The following OSBPL5 variants were observed in gnomAD, a reference collection of about 807,000 sequenced individuals.
The protein encoded by OSBPL5 is oxysterol binding protein like 5.
OSBPL5 carries 71 observed loss-of-function variants against 111.2 expected under a neutral mutation model. That is an observed-to-expected ratio of 0.64 (90% confidence interval 0.53 to 0.78). The LOEUF is 0.78. Ranked by LOEUF, OSBPL5 falls within the 30% of genes least tolerant of loss-of-function variation. OSBPL5 has a pLI of 0.00. For missense variants in OSBPL5, 1,210 were observed against 1,189.3 expected (o/e 1.02, Z -0.26); for synonymous variants, 549 against 513.9 (o/e 1.07, Z -0.93).
chr11:3,091,350 T>G (rs1590628596), intron 19 of OSBPL5, among the ~76,000 whole-genome samples: 1 of 152,014 alleles, frequency 6.6e-6, no homozygotes. Flanking sequence ...ACGCTCTGCA[T>G]TGGGTGTGGT....
At chr11:3,120,143 T>TG (rs1046377050) in intron 6 of OSBPL5, among the ~76,000 whole-genome samples, 1 of 152,144 alleles carries the variant, frequency 6.6e-6, no homozygotes, top group Non-Finnish European at 1.5e-5. Flanking sequence ...CGGCCACCCC[T>TG]GGGGAGCAGC....
chr11:3,101,921 C>A (rs908284242), intron 12 of OSBPL5, among the ~76,000 whole-genome samples: 5 of 152,180 alleles, frequency 3.3e-5, no homozygotes, highest in Non-Finnish European at 7.4e-5. Flanking sequence ...CCAGAAGTCC[C>A]CATCGGGAGA....
intron 7 of OSBPL5, among the ~76,000 whole-genome samples, chr11:3,112,046 CATGT>C (rs1564837430): frequency 6.5e-5 from 5 of 76,578 alleles, no homozygotes; most frequent in African/African-American, 1.6e-4. Context: ...TGTGTGCGCG[CATGT>C]GTGTGCATGT....
In OSBPL5 at chr11:3,109,210, C is replaced by T. The variant is rs775496492; in HGVS notation, c.692-1265G>A. 6.6e-6 allele frequency among the ~76,000 whole-genome samples: 1 copy of T among 152,038 alleles called. No homozygotes were observed. Among genetic ancestry groups the T allele is most frequent in the Non-Finnish European group, 1.5e-5 (1 of 68,016 alleles). On this transcript the variant is annotated intron_variant, in intron 7 of 21. Coordinates refer to ENST00000263650, the MANE Select transcript of OSBPL5 (RefSeq NM_020896.4). This position sits in a 1 kb window ranked among gnomAD's most constrained non-coding sequence, Gnocchi z 7.4. ...TCAAGTGATTCTCCTGCCTCAACCT[C>T]CCAAGTAGCTGGGATTACAGGTGCC...
At chr11:3,128,041 G>A (rs1260664588) in intron 2 of OSBPL5, among the ~76,000 whole-genome samples, 3 of 152,234 alleles carry the variant, frequency 2.0e-5, no homozygotes, top group Non-Finnish European at 4.4e-5. Context: ...CGTGACAGCA[G>A]AGAATAAAAG....
In OSBPL5 at chr11:3,121,216, C is replaced by T. The variant is rs957044408; in HGVS notation, c.403-592G>A. On this transcript the variant is annotated intron_variant, in intron 5 of 21. Coordinates refer to ENST00000263650, the MANE Select transcript of OSBPL5 (RefSeq NM_020896.4). The surrounding 1 kb of genome is among the most constrained non-coding windows in gnomAD (Gnocchi z 4.3). ...GGGATTACAGGCGCCCGCCACCATG[C>T]CTGGCTAATTTCTGTATTTTTAGTA... 2.0e-5 allele frequency among the ~76,000 whole-genome samples: 3 copies of T among 152,038 alleles called. No individual in the cohort carries two copies. The highest frequency in any genetic ancestry group is 7.2e-5 in the African/African-American group (3 of 41,396).
intron 1 of OSBPL5, among the ~76,000 whole-genome samples, chr11:3,158,424 TG>T (rs1420051819): frequency 6.6e-6 from 1 of 152,266 alleles, no homozygotes; most frequent in Non-Finnish European, 1.5e-5. Context: ...CACTGGCACC[TG>T]CTTTTCCGAC....
Position 3,165,001 on chromosome 11 carries a change from C to G in OSBPL5, c.-22+215G>C, listed in dbSNP as rs578103939. Reference sequence around the variant, plus strand: ...GGGGCGCCCCCAGGCTCCCGCGCTCCCCAGCTCCCCAGCGCGCGACCGGCC... The same window carrying G: ...GGGGCGCCCCCAGGCTCCCGCGCTCGCCAGCTCCCCAGCGCGCGACCGGCC... On this transcript the variant is annotated intron_variant, in intron 1 of 21. Coordinates refer to ENST00000263650, the MANE Select transcript of OSBPL5 (RefSeq NM_020896.4). This position sits in a 1 kb window ranked among gnomAD's most constrained non-coding sequence, Gnocchi z 7.4. Among the ~76,000 whole-genome samples, 1 of 151,332 alleles carries G rather than the reference C, an allele frequency of 6.6e-6. No individual in the cohort carries two copies. The highest frequency in any genetic ancestry group is 1.9e-4 in the East Asian group (1 of 5,146).
In OSBPL5 at chr11:3,089,965, T is replaced by C; in HGVS notation, c.2399-17A>G. 6.6e-7 allele frequency: 1 copy of C among 1,513,708 alleles called. No individual in the cohort carries two copies. The highest frequency in any genetic ancestry group is 8.9e-7 in the Non-Finnish European group (1 of 1,126,874). 93.8% of individuals were successfully genotyped at this position (1,513,708 alleles called of 1,614,324 possible). A position where few individuals can be genotyped will look rare whatever the true frequency, so the allele number is the denominator to read the frequency against. ...TCTCACCGCCTGGGACGGCCCCGAG[T>C]GAGACAAAGGAGGGGAGGGGAGGAG... is the stretch of plus-strand genomic sequence containing the variant. On this transcript the variant is annotated splice_polypyrimidine_tract_variant and intron_variant, in intron 20 of 21. Transcript: ENST00000263650.
chr11:3,122,948 T>C (rs1441345382), intron 3 of OSBPL5, among the ~76,000 whole-genome samples: 1 of 152,222 alleles, frequency 6.6e-6, no homozygotes, highest in East Asian at 1.9e-4. Flanking sequence ...AAAGAACAGC[T>C]TCCCTGCCTT....
intron 7 of OSBPL5, among the ~76,000 whole-genome samples, chr11:3,115,025 A>C (rs751801170): frequency 1.3e-5 from 2 of 152,212 alleles, no homozygotes; most frequent in Non-Finnish European, 2.9e-5. Flanking sequence ...CCCTCTTAAA[A>C]GGAACAAAAT....
intron 6 of OSBPL5, 63 bp downstream of exon 6, chr11:3,120,358 C>A: frequency 3.2e-6 from 5 of 1,546,636 alleles, no homozygotes; most frequent in Non-Finnish European, 4.4e-6. Flanking sequence ...TCCACCAGGG[C>A]CCTAGGAATG....
chr11:3,155,123 C>T (rs7396329), intron 1 of OSBPL5, among the ~76,000 whole-genome samples: 121,586 of 152,130 alleles, frequency 0.8, 49,290 homozygotes, highest in African/African-American at 0.9. Flanking sequence ...TGAAAGGCCT[C>T]GATCTTGGAC....
rs73413562 is a variant in OSBPL5 at position 3,093,785 on chromosome 11, C to T, written c.1770G>A (p.Thr590=). ...TSINQISGKI[T]SGEEVLASLS... is the part of the protein sequence containing the mutation. ...GGCTCGCCAGGACTTCCTCTCCCGA[C>T]GTGATCTTTCCCGAGATCTGGTTGA... The change falls in exon 16 of 22, where the codon ACG becomes ACA. Residue 590 remains threonine, a synonymous_variant. Transcript: ENST00000263650. 7.4e-4 allele frequency: 1,191 copies of T among 1,613,198 alleles called. 11 individuals carry two copies. The African/African-American group carries it at 0.014, about 19-fold the overall frequency.
At chr11:3,153,960 C>T (rs1350815619) in intron 1 of OSBPL5, among the ~76,000 whole-genome samples, 3 of 152,238 alleles carry the variant, frequency 2.0e-5, no homozygotes, top group East Asian at 1.9e-4. Context: ...CTGGGAGCCC[C>T]GGGGTTACCG....
intron 14 of OSBPL5, among the ~76,000 whole-genome samples, chr11:3,095,688 AT>A (rs1857232554): frequency 6.6e-6 from 1 of 152,202 alleles, no homozygotes; most frequent in East Asian, 1.9e-4. Context: ...GGGGAAAAAA[AT>A]CATTATTTTG....
chr11:3,129,761 C>T (rs1463391968), intron 1 of OSBPL5, among the ~76,000 whole-genome samples: 2 of 152,246 alleles, frequency 1.3e-5, no homozygotes, highest in Admixed American at 6.5e-5. Context: ...GTTGCACCCA[C>T]ATGCACCCCA....
rs138994429 is a variant in OSBPL5 at position 3,142,647 on chromosome 11, C to T, written c.-21-13478G>A. 3.3e-5 allele frequency among the ~76,000 whole-genome samples: 5 copies of T among 152,284 alleles called. No homozygotes were observed. The highest frequency in any genetic ancestry group is 3.9e-4 in the East Asian group (2 of 5,172). ...TGGGTGGTGCGTTTATCAACAGGAC[C>T]GCTGGTTTCATGTCTCTGTCTCTCC... On this transcript the variant is annotated intron_variant, in intron 1 of 21. Transcript: ENST00000263650. The surrounding 1 kb of genome is among the most constrained non-coding windows in gnomAD (Gnocchi z 7.1).
rs980749245 is a variant in OSBPL5 at position 3,113,125 on chromosome 11, AAAAAG to A, written c.692-5185_692-5181del. On this transcript the variant is annotated intron_variant, in intron 7 of 21. Coordinates refer to ENST00000263650, the MANE Select transcript of OSBPL5 (RefSeq NM_020896.4). The surrounding 1 kb of genome is among the most constrained non-coding windows in gnomAD (Gnocchi z 4.8). ...ACTTGAATCAAATACTTGATCAGGA[AAAAAG>A]AAAAGACAAGTCAAATGCTTTTTCA... Among the ~76,000 whole-genome samples the A allele has an allele frequency of 1.3e-5, 2 of 152,254 alleles. No individual in the cohort carries two copies. The highest frequency in any genetic ancestry group is 4.8e-5 in the African/African-American group (2 of 41,462).
Sources: allele counts gnomAD v4.1 joint callset (sites outside exome capture counted in the v4.1 genomes callset), GRCh38; gene constraint gnomAD v4.1.1; non-coding constraint Gnocchi (gnomAD v3.1); transcripts MANE v1.5; gene names NCBI Gene and HGNC (gene_info 2026-07-23, HGNC 2026-07-21).